Variants in MBNL2 observed in about 807,000 individuals in gnomAD.
The protein encoded by MBNL2 is muscleblind like splicing regulator 2.
In MBNL2, 17 loss-of-function variants were observed where a neutral mutation model predicts 41.9. The ratio of observed to expected loss-of-function variants is 0.41; its 90% CI spans 0.28 to 0.61. The LOEUF (loss-of-function observed/expected upper bound fraction) is 0.61. Among genes scored for constraint, MBNL2 ranks in the 20% least tolerant of loss-of-function variants. The probability of loss-of-function intolerance (pLI) is 0.35; values close to 1 mark genes in which losing one functional copy is unlikely to be tolerated. For missense variants in MBNL2, 336 were observed against 505.6 expected (o/e 0.66, Z 3.22); for synonymous variants, 195 against 182.9 (o/e 1.07, Z -0.53).
intron 1 of MBNL2, among the ~76,000 whole-genome samples, chr13:97,273,933 C>T (rs1043556794): frequency 6.6e-6 from 1 of 152,036 alleles, no homozygotes; most frequent in Non-Finnish European, 1.5e-5. Context: ...TGGTGGTGGG[C>T]ACCAGTAATC....
intron 8 of MBNL2, among the ~76,000 whole-genome samples, chr13:97,387,064 G>A (rs1372096054): frequency 6.6e-6 from 1 of 151,100 alleles, no homozygotes; most frequent in Non-Finnish European, 1.5e-5. Context: ...AATAATGCTT[G>A]CAGTTCAGAA....
intron 2 of MBNL2, among the ~76,000 whole-genome samples, chr13:97,291,810 G>A (rs907401125): frequency 6.7e-5 from 10 of 149,760 alleles, no homozygotes; most frequent in Admixed American, 2.7e-4. Context: ...CAGGAGAATC[G>A]CTTGAACCTG....
chr13:97,179,976 C>T, the MBNL2 span, among the ~76,000 whole-genome samples: 2 of 152,182 alleles, frequency 1.3e-5, no homozygotes, highest in Non-Finnish European at 2.9e-5. Flanking sequence ...AGAGCATGAA[C>T]AATTTCTGAC....
chr13:97,307,661 G>A (rs1223896990), intron 2 of MBNL2, among the ~76,000 whole-genome samples: 3 of 152,174 alleles, frequency 2.0e-5, no homozygotes. Context: ...TAATGTAGCA[G>A]CAGTATGACA....
intron 2 of MBNL2, among the ~76,000 whole-genome samples, chr13:97,299,530 A>AT (rs1210231164): frequency 6.6e-6 from 1 of 152,188 alleles, no homozygotes; most frequent in East Asian, 1.9e-4. Flanking sequence ...ATACTTGTGC[A>AT]TTTGAACAGA....
intron 1 of MBNL2, among the ~76,000 whole-genome samples, chr13:97,225,267 G>C: frequency 6.6e-6 from 1 of 152,182 alleles, no homozygotes; most frequent in Admixed American, 6.5e-5. Context: ...ATTCCTTATA[G>C]TAGAATAAGT....
Position 97,327,560 on chromosome 13 carries a change from T to TAA in MBNL2, c.175-6694_175-6693dup, listed in dbSNP as rs71922683. 5.0e-3 allele frequency among the ~76,000 whole-genome samples: 457 copies of TAA among 90,694 alleles called. 14 individuals are homozygous for TAA. Among genetic ancestry groups the TAA allele is most frequent in the African/African-American group, 0.02 (399 of 20,264 alleles). The allele number at this position is 90,694 out of a possible 152,430, so 59.5% of individuals were successfully genotyped here. A position where few individuals can be genotyped will look rare whatever the true frequency, so the allele number is the denominator to read the frequency against. On this transcript the variant is annotated intron_variant, in intron 2 of 8. Coordinates refer to ENST00000679496, the MANE Select transcript of MBNL2 (RefSeq NM_001382683.1). ...GGCACAGACTATTATACGTTATTTGTAAAAAAAAAAAAAAAAAAAAAAAGT... is the reference window on the plus strand; with the variant it reads ...GGCACAGACTATTATACGTTATTTGTAAAAAAAAAAAAAAAAAAAAAAAAAGT...
intron 8 of MBNL2, 32 bp downstream of exon 8, chr13:97,365,203 T>A (rs1454399873): frequency 1.4e-6 from 2 of 1,449,492 alleles, no homozygotes; most frequent in Admixed American, 1.7e-5. Context: ...TTGTCTTTTA[T>A]ATGATGTACA....
At chr13:97,382,027 A>G (rs974349719) in intron 8 of MBNL2, among the ~76,000 whole-genome samples, 1 of 152,166 alleles carries the variant, frequency 6.6e-6, no homozygotes, top group African/African-American at 2.4e-5. Flanking sequence ...AGCCTATTTA[A>G]TCTCAGAGAG....
chr13:97,222,800 A>G (rs1566349103), intron 1 of MBNL2, among the ~76,000 whole-genome samples: 1 of 152,230 alleles, frequency 6.6e-6, no homozygotes, highest in Non-Finnish European at 1.5e-5. Context: ...TTTAAAAACC[A>G]TTTGAATTCT....
At chr13:97,271,122 T>TG (rs1430263825) in intron 1 of MBNL2, among the ~76,000 whole-genome samples, 3 of 150,972 alleles carry the variant, frequency 2.0e-5, no homozygotes, top group African/African-American at 7.3e-5. Flanking sequence ...GTTTTTTTTT[T>TG]TTTGTTTTTT....
In MBNL2 at chr13:97,222,543, GC is replaced by G; in HGVS notation, c.-605+18del. 1 of 398,248 alleles carries G rather than the reference GC, an allele frequency of 2.5e-6. No individual in the cohort carries two copies. The highest frequency in any genetic ancestry group is 4.4e-6 in the Non-Finnish European group (1 of 225,872). 24.7% of individuals were successfully genotyped at this position (398,248 alleles called of 1,614,324 possible). On this transcript the variant is annotated intron_variant, in intron 1 of 8. Transcript: ENST00000679496. Reference sequence around the variant, plus strand: ...CAGAGCTAAACAAGGTAGGAGAATCGCCCCCCTTTTTTGAATGTTTAAAGAG... The same window carrying G: ...CAGAGCTAAACAAGGTAGGAGAATCGCCCCCTTTTTTGAATGTTTAAAGAG...
the MBNL2 span, among the ~76,000 whole-genome samples, chr13:97,152,330 A>G: frequency 6.6e-6 from 1 of 152,170 alleles, no homozygotes; most frequent in South Asian, 2.1e-4. Flanking sequence ...GCTTAAAATC[A>G]AATGATAAGA....
At chr13:97,205,069 G>A in the MBNL2 span, among the ~76,000 whole-genome samples, 2 of 151,544 alleles carry the variant, frequency 1.3e-5, no homozygotes. Context: ...TACTCGGGAG[G>A]CTGAGGCAGA....
At chr13:97,188,418 G>A in the MBNL2 span, among the ~76,000 whole-genome samples, 2 of 152,212 alleles carry the variant, frequency 1.3e-5, no homozygotes, top group Admixed American at 1.3e-4. Context: ...GACATTTGCT[G>A]GGAGATACAC....
At chr13:97,233,290 G>C (rs1249470626) in intron 1 of MBNL2, among the ~76,000 whole-genome samples, 3 of 144,634 alleles carry the variant, frequency 2.1e-5, no homozygotes, top group Non-Finnish European at 4.6e-5. Flanking sequence ...ATTTACATTA[G>C]GTATATCTCC....
At chr13:97,262,819 A>G (rs1211236631) in intron 1 of MBNL2, among the ~76,000 whole-genome samples, 1 of 151,952 alleles carries the variant, frequency 6.6e-6, no homozygotes, top group East Asian at 1.9e-4. Flanking sequence ...ACTGGAGTGC[A>G]GTGGCACGAT....
chr13:97,227,407 T>C (rs2041810421), intron 1 of MBNL2, among the ~76,000 whole-genome samples: 1 of 152,018 alleles, frequency 6.6e-6, no homozygotes, highest in South Asian at 2.1e-4. Flanking sequence ...CAATCCACAA[T>C]AGCAAGGAAA....
rs2066393779 is a variant in MBNL2, at chr13:97,391,599, G to A, written c.*150G>A. ...AGCTGTGATGTTTAAAGACATAAAGGATAAAGTTTACTTTTAAAGGGTTTC... is the reference window on the plus strand; with the variant it reads ...AGCTGTGATGTTTAAAGACATAAAGAATAAAGTTTACTTTTAAAGGGTTTC... On this transcript the variant is annotated 3_prime_UTR_variant, in exon 9 of 9. Coordinates refer to ENST00000679496, the MANE Select transcript of MBNL2 (RefSeq NM_001382683.1). 4 of 611,220 alleles carry A rather than the reference G, an allele frequency of 6.5e-6. No individual in the cohort carries two copies. The highest frequency in any genetic ancestry group is 6.2e-5 in the South Asian group (3 of 48,144). The allele number at this position is 611,220 out of a possible 1,614,324, so 37.9% of individuals were successfully genotyped here.
Sources: allele counts gnomAD v4.1 joint callset (sites outside exome capture counted in the v4.1 genomes callset), GRCh38; gene constraint gnomAD v4.1.1; transcripts MANE v1.5; gene names NCBI Gene and HGNC (gene_info 2026-07-23, HGNC 2026-07-21).